The following USP14 variants were observed in gnomAD, a reference collection of about 807,000 sequenced individuals.
USP14 encodes ubiquitin specific peptidase 14.
Under a neutral mutation model 76.5 loss-of-function variants are expected in USP14, and 38 were observed. The ratio of observed to expected loss-of-function variants is 0.50; its 90% CI spans 0.38 to 0.65. The LOEUF is 0.65. Ranked by LOEUF, USP14 falls within the 30% of genes least tolerant of loss-of-function variation. USP14 has a pLI of 0.00. For synonymous variants in USP14, 192 were observed against 191.7 expected (o/e 1.00, Z -0.01); for missense variants, 467 against 586.5 (o/e 0.80, Z 2.10).
intron 3 of USP14, among the ~76,000 whole-genome samples, chr18:175,204 G>A (rs1229723159): frequency 2.0e-5 from 3 of 152,148 alleles, no homozygotes; most frequent in Non-Finnish European, 2.9e-5. Flanking sequence ...AGGTATACAT[G>A]TCATCTGCAA....
intron 13 of USP14, among the ~76,000 whole-genome samples, chr18:208,071 A>T (rs1910575615): frequency 2.0e-5 from 3 of 151,816 alleles, no homozygotes; most frequent in Admixed American, 2.0e-4. Flanking sequence ...TACTTTCAGG[A>T]GTTTTATTTG....
intron 3 of USP14, among the ~76,000 whole-genome samples, chr18:173,489 G>A (rs1402735408): frequency 1.3e-5 from 2 of 151,118 alleles, no homozygotes; most frequent in East Asian, 2.0e-4. Context: ...TCAGCTCACC[G>A]CAACCTCCGT....
chr18:172,371 ACTC>A (rs1371714078), intron 3 of USP14, among the ~76,000 whole-genome samples: 12 of 152,008 alleles, frequency 7.9e-5, no homozygotes, highest in African/African-American at 2.9e-4. Flanking sequence ...GATAGACTCT[ACTC>A]CTAGTGAAGA....
In USP14 at chr18:166,774, G is replaced by C. The variant is rs549895189; in HGVS notation, c.163-13G>C. On this transcript the variant is annotated splice_polypyrimidine_tract_variant and intron_variant, in intron 2 of 15. Coordinates refer to ENST00000261601, the MANE Select transcript of USP14 (RefSeq NM_005151.4). ...AGTGGTGGTTAAATGTCTTTTGTTT[G>C]TCTTTGAAACAGGATGATGATTGGG... The C allele has an allele frequency of 4.3e-6, 7 of 1,610,596 alleles. No homozygotes were observed. In the South Asian group the frequency reaches 6.6e-5, roughly 15 times the overall value.
At chr18:182,687 G>A (rs1333476690) in intron 5 of USP14, among the ~76,000 whole-genome samples, 1 of 152,160 alleles carries the variant, frequency 6.6e-6, no homozygotes, top group Non-Finnish European at 1.5e-5. Flanking sequence ...TTCATCAGGG[G>A]TATCTGAGGA....
rs1567838359 is a variant in USP14 at position 211,689 on chromosome 18, A to G, written c.*405A>G. The G allele has an allele frequency of 6.5e-6, 1 of 154,070 alleles. No individual in the cohort carries two copies. The highest frequency in any genetic ancestry group is 2.4e-5 in the African/African-American group (1 of 41,492). The allele number at this position is 154,070 out of a possible 1,614,324, so 9.5% of individuals were successfully genotyped here. A position where few individuals can be genotyped will look rare whatever the true frequency, so the allele number is the denominator to read the frequency against. On this transcript the variant is annotated 3_prime_UTR_variant, in exon 16 of 16. Coordinates refer to ENST00000261601, the MANE Select transcript of USP14 (RefSeq NM_005151.4). The stretch of plus-strand genomic sequence containing the variant: ...CTGTTCTTGCATGGTTCAAACCACC[A>G]TTCTGTAGCCACCCATCCTTTGCCT...
chr18:199,462 A>G (rs9956319), intron 10 of USP14, 146 bp downstream of exon 10: 49,896 of 555,986 alleles, frequency 0.09, 2,842 homozygotes, highest in Admixed American at 0.17. Context: ...ACACAGTCCC[A>G]TCTGAGGTCA....
Position 214,436 on chromosome 18 carries a change from T to C in USP14, c.*3152T>C, listed in dbSNP as rs558830948. The C allele has an allele frequency of 1.5e-4, 82 of 555,578 alleles. No homozygotes were observed. Among genetic ancestry groups the C allele is most frequent in the African/African-American group, 1.4e-3 (74 of 53,142 alleles). The allele number at this position is 555,578 out of a possible 1,614,324, so 34.4% of individuals were successfully genotyped here. On this transcript the variant is annotated 3_prime_UTR_variant, in exon 16 of 16. Transcript: ENST00000261601. The stretch of plus-strand genomic sequence containing the variant: ...TCTTGAGGTCACTTCGTTTAGGTCA[T>C]TATCTCAACCCAACCTCCCCAAACT...
At chr18:210,604 C>A in intron 15 of USP14, 111 bp downstream of exon 15, 1 of 627,262 alleles carries the variant, frequency 1.6e-6, no homozygotes, top group Non-Finnish European at 2.5e-6. Context: ...ACTTTACATT[C>A]TTGAAGCCCC....
chr18:158,775 C>A, intron 1 of USP14, 61 bp downstream of exon 1: 1 of 1,373,200 alleles, frequency 7.3e-7, no homozygotes, highest in Non-Finnish European at 9.3e-7. Context: ...TCCGCGTAGG[C>A]CTGGCCTGCA....
chr18:193,365 C>T (rs511859), intron 6 of USP14, among the ~76,000 whole-genome samples: 7,696 of 151,984 alleles, frequency 0.051, 266 homozygotes, highest in Non-Finnish European at 0.077. Context: ...CATTTTAATA[C>T]TGTTAAATCT....
At chr18:206,982 A>T (rs891348263) in intron 13 of USP14, among the ~76,000 whole-genome samples, 2 of 152,102 alleles carry the variant, frequency 1.3e-5, no homozygotes, top group African/African-American at 4.8e-5. Flanking sequence ...ATTGAGGGTT[A>T]ACTTTTTATA....
At chr18:163,179 G>A in intron 1 of USP14, 129 bp from the exon 2 acceptor site, 1 of 778,112 alleles carries the variant, frequency 1.3e-6, no homozygotes, top group African/African-American at 1.8e-5. Context: ...GATTAGGTAA[G>A]TGTTATGGGC....
At chr18:186,586 C>T (rs1369353434) in intron 5 of USP14, among the ~76,000 whole-genome samples, 1 of 152,056 alleles carries the variant, frequency 6.6e-6, no homozygotes, top group East Asian at 1.9e-4. Flanking sequence ...AACCCCGTCT[C>T]TATTAAAAAT....
At chr18:202,158 A>G (rs1170579801) in intron 10 of USP14, among the ~76,000 whole-genome samples, 2 of 152,222 alleles carry the variant, frequency 1.3e-5, no homozygotes, top group African/African-American at 2.4e-5. Flanking sequence ...TTTCTGTGAC[A>G]TTAGAAATAG....
intron 1 of USP14, among the ~76,000 whole-genome samples, chr18:159,923 G>C (rs552746169): frequency 5.9e-5 from 9 of 152,278 alleles, no homozygotes; most frequent in South Asian, 2.1e-4. Context: ...TCCATATTGA[G>C]AATCTGTATT....
chr18:190,164 A>G (rs1442752370), intron 5 of USP14, among the ~76,000 whole-genome samples: 1 of 152,126 alleles, frequency 6.6e-6, no homozygotes, highest in African/African-American at 2.4e-5. Flanking sequence ...TGTGTCCTGT[A>G]CTACCAAGTT....
In USP14 at chr18:205,417, T is replaced by C. The variant is rs566339497; in HGVS notation, c.1164+725T>C. On this transcript the variant is annotated intron_variant, in intron 13 of 15. Transcript: ENST00000261601. ...TATTGCCACAGGGCCACTTTTCTTC[T>C]GCCCTACCCCTTCCTTAATTCCTGA... Among the ~76,000 whole-genome samples, 4 of 152,296 alleles carry C rather than the reference T, an allele frequency of 2.6e-5. No individual in the cohort carries two copies. In the East Asian group the frequency reaches 7.7e-4, roughly 29 times the overall value.
intron 4 of USP14, 24 bp from the exon 5 acceptor site, chr18:180,210 CCT>C (rs2144235162): frequency 1.2e-5 from 13 of 1,126,954 alleles, no homozygotes; most frequent in Non-Finnish European, 1.4e-5. Flanking sequence ...ATGATTTAAT[CCT>C]TTTTTTTTTT....
Sources: allele counts gnomAD v4.1 joint callset (sites outside exome capture counted in the v4.1 genomes callset), GRCh38; gene constraint gnomAD v4.1.1; transcripts MANE v1.5; gene names NCBI Gene and HGNC (gene_info 2026-07-23, HGNC 2026-07-21).